SRRM2: variants seen among roughly 807,000 people sequenced by gnomAD.
SRRM2 encodes the protein serine/arginine repetitive matrix 2, also known as serine/arginine repetitive matrix protein 2.
SRRM2 carries 30 observed loss-of-function variants against 213.8 expected under a neutral mutation model. That is an observed-to-expected ratio of 0.14 (90% CI 0.10 to 0.19). The LOEUF (loss-of-function observed/expected upper bound fraction) is 0.19. Ranked by LOEUF, SRRM2 falls within the 10% of genes least tolerant of loss-of-function variation. SRRM2 has a pLI of 1.00. For missense variants in SRRM2, 4,904 were observed against 3,647.0 expected, an observed-to-expected ratio of 1.34 and a Z score of -8.88; for synonymous variants, 2,025 against 1,377.7, an observed-to-expected ratio of 1.47 and a Z score of -10.40.
At chr16:2,759,701 A>G (rs2068272087) in intron 9 of SRRM2, 40 bp downstream of exon 9, 2 of 1,564,200 alleles carry the variant, frequency 1.3e-6, no homozygotes, top group Middle Eastern at 1.7e-4. Context: ...AGAGGGAATG[A>G]TGGGTTAATT....
intron 9 of SRRM2, 103 bp from the exon 10 acceptor site, chr16:2,760,198 G>C: frequency 7.8e-6 from 9 of 1,155,538 alleles, no homozygotes; most frequent in Admixed American, 2.0e-5. Context: ...TTGGAAGAGG[G>C]TTGTCCAGTT....
intron 1 of SRRM2, among the ~76,000 whole-genome samples, chr16:2,753,055 C>G (rs1023796306): frequency 1.5e-4 from 23 of 151,946 alleles, no homozygotes; most frequent in Admixed American, 1.1e-3. Flanking sequence ...CGCCCCTCCC[C>G]CATGACAACG....
In SRRM2 at chr16:2,768,022, C is replaced by T. The variant is rs762994439; in HGVS notation, c.7494C>T (p.Ala2498=). 27 of 1,614,078 alleles carry T rather than the reference C, an allele frequency of 1.7e-5. No homozygotes were observed. In the Admixed American group the frequency reaches 1.8e-4, roughly 11 times the overall value. ...GDHNGMLSVP[A]PGVPHSDVGE... ...ACAATGGCATGCTCTCTGTCCCTGC[C>T]CCTGGGGTGCCCCACTCTGATGTGG... Residue 2498 remains alanine (A), a synonymous_variant, in exon 11 of 15, where the codon GCC becomes GCT. Transcript: ENST00000301740.
rs1227830894 is a variant in SRRM2, at chr16:2,761,767, C to G, written c.1239C>G (p.Pro413=). The G allele has an allele frequency of 1.2e-6, 2 of 1,613,448 alleles. No homozygotes were observed. Residue 413 remains proline, a synonymous_variant, in exon 11 of 15, where the codon CCC becomes CCG. Transcript: ENST00000301740. ...CACCTAAGTCTCCCGAGAAACTTCCCCAGTCTTCTTCCTCAGAGAGCAGCC... is the reference window on the plus strand; with the variant it reads ...CACCTAAGTCTCCCGAGAAACTTCCGCAGTCTTCTTCCTCAGAGAGCAGCC... ...RSPPKSPEKL[P]QSSSSESSPP... is the part of the protein sequence containing the mutation.
Position 2,757,850 on chromosome 16 carries a change from C to G in SRRM2, c.420C>G (p.Gly140=). Residue 140 remains glycine, a synonymous_variant, in exon 4 of 15, where the codon GGC becomes GGG. Transcript: ENST00000301740. ...ATGAAAGACTCCGTGCTGCCTTTGG[C>G]ATCAGTGATTCTTACGTAGATGGCA... The part of the protein sequence containing the change: ...KKNERLRAAF[G]ISDSYVDGSS... The G allele has an allele frequency of 1.2e-6, 2 of 1,614,078 alleles. No individual in the cohort carries two copies. Among genetic ancestry groups the G allele is most frequent in the Non-Finnish European group, 1.7e-6 (2 of 1,179,940 alleles).
intron 10 of SRRM2, 77 bp from the exon 11 acceptor site, chr16:2,761,484 G>A: frequency 2.5e-6 from 3 of 1,210,216 alleles, no homozygotes; most frequent in Non-Finnish European, 3.3e-6. Flanking sequence ...TCATTGGAAA[G>A]GGTGTTGGGA....
chr16:2,767,750 A>C lies in SRRM2; in HGVS notation c.7222A>C (p.Arg2408=). The C allele has an allele frequency of 6.2e-7, 1 of 1,613,724 alleles. No individual in the cohort carries two copies. Among genetic ancestry groups the C allele is most frequent in the Non-Finnish European group, 8.5e-7 (1 of 1,179,924 alleles). The change falls in exon 11 of 15, where the codon AGA becomes CGA. Residue 2408 remains arginine, a synonymous_variant. Coordinates refer to ENST00000301740, the MANE Select transcript of SRRM2 (RefSeq NM_016333.4). ...SPPLLDRARS[R]TPPSAPSQSR... ...ACCGCTCCTTGACCGAGCTAGGTCCAGAACACCACCGTCTGCCCCAAGCCA... is the reference window on the plus strand; with the variant it reads ...ACCGCTCCTTGACCGAGCTAGGTCCCGAACACCACCGTCTGCCCCAAGCCA...
rs555871770 is a variant in SRRM2 at position 2,761,773 on chromosome 16, T to G, written c.1245T>G (p.Ser415=). The change falls in exon 11 of 15, where the codon TCT becomes TCG. Residue 415 remains serine, a synonymous_variant. Transcript: ENST00000301740. Reference sequence around the variant, plus strand: ...AGTCTCCCGAGAAACTTCCCCAGTCTTCTTCCTCAGAGAGCAGCCCACCAT... The same window carrying G: ...AGTCTCCCGAGAAACTTCCCCAGTCGTCTTCCTCAGAGAGCAGCCCACCAT... ...PPKSPEKLPQ[S]SSSESSPPSP... is the part of the protein sequence containing the mutation. 3.5e-5 allele frequency: 56 copies of G among 1,613,614 alleles called. No individual in the cohort carries two copies. The Middle Eastern group carries it at 1.3e-3, about 38-fold the overall frequency.
At chr16:2,768,803 C>G (rs2068632580) in intron 11 of SRRM2, 194 bp from the exon 12 acceptor site, 1 of 1,084,656 alleles carries the variant, frequency 9.2e-7, no homozygotes, top group Non-Finnish European at 1.4e-6. Flanking sequence ...GGGCCCCAGC[C>G]TGTTGCTTCT....
Position 2,760,394 on chromosome 16 carries a change from T to A in SRRM2, c.927T>A (p.Pro309=). 1 of 1,614,166 alleles carries A rather than the reference T, an allele frequency of 6.2e-7. No individual in the cohort carries two copies. Among genetic ancestry groups the A allele is most frequent in the Non-Finnish European group, 8.5e-7 (1 of 1,180,024 alleles). Residue 309 remains proline, a synonymous_variant, in exon 10 of 15, where the codon CCT becomes CCA. Coordinates refer to ENST00000301740, the MANE Select transcript of SRRM2 (RefSeq NM_016333.4). ...ASGRRGEGDA[P]FSEPGTTSTQ... ...GGCGACGCGGGGAGGGAGATGCGCC[T>A]TTCAGTGAACCAGGTACTACCAGCA...
rs1184410226 is a variant in SRRM2, at chr16:2,754,611, TG to T, written c.-31-1717del. Among the ~76,000 whole-genome samples the T allele has an allele frequency of 2.6e-5, 4 of 151,516 alleles. No individual in the cohort carries two copies. In the East Asian group the frequency reaches 7.7e-4, roughly 29 times the overall value. On this transcript the variant is annotated intron_variant, in intron 1 of 14. Transcript: ENST00000301740. ...GGCCTGGTTTTCCTTTCTTAAGGAG[TG>T]GGGGGATTTTTGTGTGAGGTGGTAT...
In SRRM2 at chr16:2,757,291, G is replaced by A. The variant is rs373464103; in HGVS notation, c.243-181G>A. Among the ~76,000 whole-genome samples the A allele has an allele frequency of 2.9e-3, 436 of 152,270 alleles. 1 individual carries two copies. Among genetic ancestry groups the A allele is most frequent in the Non-Finnish European group, 4.3e-3 (293 of 68,018 alleles). On this transcript the variant is annotated intron_variant, in intron 2 of 14. Coordinates refer to ENST00000301740, the MANE Select transcript of SRRM2 (RefSeq NM_016333.4). ...TTTAAAATCCACTGTTCTAGAGGGA[G>A]TAGTAAGTAGAGGGAAGAAAGATGA...
intron 8 of SRRM2, 79 bp downstream of exon 8, chr16:2,759,481 C>G (rs1346131427): frequency 6.2e-7 from 1 of 1,600,602 alleles, no homozygotes; most frequent in Non-Finnish European, 8.5e-7. Flanking sequence ...GAGTTATGTC[C>G]CTGACTGGTA....
chr16:2,765,504 C>G lies in SRRM2; in HGVS notation c.4976C>G (p.Pro1659Arg), dbSNP rs748648050. 2 of 1,614,192 alleles carry G rather than the reference C, an allele frequency of 1.2e-6. No individual in the cohort carries two copies. The change falls in exon 11 of 15, where the codon CCT becomes CGT. Residue 1659 changes from proline to arginine, a missense_variant. Transcript: ENST00000301740. ...PEGSSSTESS[P>R]EHPPKSRTAR... ...GGAAGCAGCAGTACCGAGTCCTCTC[C>G]TGAACATCCGCCCAAATCCAGAACT...
intron 12 of SRRM2, chr16:2,769,853 G>T (rs1413344328): frequency 2.1e-6 from 1 of 465,720 alleles, no homozygotes; most frequent in Non-Finnish European, 4.3e-6. Context: ...CACATGCCCT[G>T]TGCTCCAGCC....
At chr16:2,768,646 C>A in intron 11 of SRRM2, 1 of 642,624 alleles carries the variant, frequency 1.6e-6, no homozygotes, top group Non-Finnish European at 2.9e-6. Flanking sequence ...GCCCCTTCCC[C>A]AGCCAACCTG....
intron 1 of SRRM2, among the ~76,000 whole-genome samples, 188 bp downstream of exon 1, chr16:2,753,034 T>TCCCC (rs753161341): frequency 2.1e-4 from 10 of 47,172 alleles, no homozygotes; most frequent in Admixed American, 4.2e-4. Flanking sequence ...CGCGCGGGCT[T>TCCCC]CACCCCCCCC....
At position 2,759,571 on chromosome 16, in the gene SRRM2, C is replaced by G; in HGVS notation, c.743C>G (p.Ser248Cys). 1 of 1,614,088 alleles carries G rather than the reference C, an allele frequency of 6.2e-7. No homozygotes were observed. ...CTGTGGTGGTGGTCTTCCTTCAGGT[C>G]TCGAAGTACAACACCAGCCCCCAAG... ...RKSKDKKRKR[S>C]RSTTPAPKSR... The change falls in exon 9 of 15, where the codon TCT (serine) becomes TGT (cysteine). Residue 248 changes from serine to cysteine, a missense_variant and splice_region_variant. Ser to Cys is a moderately radical substitution (Grantham distance 112, BLOSUM62 -1). Transcript: ENST00000301740.
chr16:2,763,392 C>A lies in SRRM2; in HGVS notation c.2864C>A (p.Pro955His), dbSNP rs751031780. The change falls in exon 11 of 15, where the codon CCC becomes CAC. Residue 955 changes from proline to histidine, a missense_variant. Transcript: ENST00000301740. ...CCACGGCGAAGCAGATCAGTATCTC[C>A]CTGCTCCAATGTGGAATCCAGATTG... The part of the protein sequence containing the change: ...TTPRRSRSVS[P>H]CSNVESRLLP... 1 of 1,614,214 alleles carries A rather than the reference C, an allele frequency of 6.2e-7. No individual in the cohort carries two copies.
Sources: allele counts gnomAD v4.1 joint callset (sites outside exome capture counted in the v4.1 genomes callset), GRCh38; gene constraint gnomAD v4.1.1; transcripts MANE v1.5; gene names NCBI Gene and HGNC (gene_info 2026-07-23, HGNC 2026-07-21).